The following PDE7B variants were observed in gnomAD, a reference collection of about 807,000 sequenced individuals.
PDE7B encodes 3',5'-cyclic-AMP phosphodiesterase 7B.
Under a neutral mutation model 56.2 loss-of-function variants are expected in PDE7B, and 29 were observed. The observed-to-expected ratio is 0.52, with a 90% CI of 0.38 to 0.70. PDE7B has a LOEUF of 0.70. Ranked by LOEUF, PDE7B falls within the 30% of genes least tolerant of loss-of-function variation. The pLI is 0.00. For synonymous variants in PDE7B, 197 were observed against 196.9 expected (o/e 1.00, Z 0.00); for missense variants, 490 against 565.0 (o/e 0.87, Z 1.35).
At chr6:135,917,985 A>G (rs374436875) in intron 1 of PDE7B, among the ~76,000 whole-genome samples, 7 of 152,146 alleles carry the variant, frequency 4.6e-5, no homozygotes, top group East Asian at 1.9e-4. Flanking sequence ...CAGCTCCCCA[A>G]TAGAGCTACA....
At chr6:135,938,822 G>C (rs1241430727) in intron 1 of PDE7B, among the ~76,000 whole-genome samples, 1 of 152,134 alleles carries the variant, frequency 6.6e-6, no homozygotes, top group Non-Finnish European at 1.5e-5. Context: ...CTACTGTCTA[G>C]GGATAAAATG....
intron 1 of PDE7B, among the ~76,000 whole-genome samples, chr6:135,932,420 A>T (rs1254974240): frequency 6.6e-6 from 1 of 152,084 alleles, no homozygotes; most frequent in Non-Finnish European, 1.5e-5. Flanking sequence ...TACACCCCAT[A>T]GATGTATACA....
chr6:136,036,282 A>G (rs567311495), intron 2 of PDE7B, among the ~76,000 whole-genome samples: 6 of 152,304 alleles, frequency 3.9e-5, no homozygotes, highest in African/African-American at 1.4e-4. Flanking sequence ...AATCAAGTAG[A>G]CCGCTGATTA....
chr6:135,931,693 A>G (rs1362122812), intron 1 of PDE7B, among the ~76,000 whole-genome samples: 1 of 152,198 alleles, frequency 6.6e-6, no homozygotes, highest in African/African-American at 2.4e-5. Context: ...ATTTTTCAAC[A>G]TGAAGAACAT....
chr6:136,148,145 T>G (rs1468894463), intron 4 of PDE7B, among the ~76,000 whole-genome samples: 1 of 152,074 alleles, frequency 6.6e-6, no homozygotes, highest in Non-Finnish European at 1.5e-5. Flanking sequence ...GAAGATAGAT[T>G]TTACAGCTTG....
chr6:135,867,194 A>G (rs1377794801), intron 1 of PDE7B, among the ~76,000 whole-genome samples: 5 of 152,184 alleles, frequency 3.3e-5, no homozygotes, highest in African/African-American at 1.2e-4. Context: ...AAACAGTTTT[A>G]AAACTGTGTT....
At chr6:135,866,172 C>T (rs1259194582) in intron 1 of PDE7B, among the ~76,000 whole-genome samples, 2 of 152,094 alleles carry the variant, frequency 1.3e-5, no homozygotes, top group African/African-American at 4.8e-5. Flanking sequence ...TCCTCTTCCT[C>T]TCACCACCAC....
chr6:136,080,734 A>C (rs773907144), intron 2 of PDE7B, among the ~76,000 whole-genome samples: 4 of 152,206 alleles, frequency 2.6e-5, no homozygotes, highest in Admixed American at 6.5e-5. Flanking sequence ...ACATTAATTG[A>C]GCAGCTGCTG....
chr6:135,958,518 A>G (rs1245600907), intron 2 of PDE7B, among the ~76,000 whole-genome samples: 1 of 146,620 alleles, frequency 6.8e-6, no homozygotes, highest in Non-Finnish European at 1.5e-5. Flanking sequence ...TGAGATCTCA[A>G]CCTGCCAATC....
intron 1 of PDE7B, among the ~76,000 whole-genome samples, chr6:135,915,615 T>C (rs982195856): frequency 6.6e-6 from 1 of 152,208 alleles, no homozygotes; most frequent in Non-Finnish European, 1.5e-5. Context: ...GGTTTAGTTT[T>C]GGCAAGTGCG....
At chr6:135,885,353 C>T (rs1483185083) in intron 1 of PDE7B, among the ~76,000 whole-genome samples, 1 of 150,922 alleles carries the variant, frequency 6.6e-6, no homozygotes, top group Non-Finnish European at 1.5e-5. Flanking sequence ...TATCTCACTG[C>T]CACTACCGTG....
At chr6:135,953,934 T>C (rs1199477399) in intron 2 of PDE7B, among the ~76,000 whole-genome samples, 1 of 152,214 alleles carries the variant, frequency 6.6e-6, no homozygotes, top group Non-Finnish European at 1.5e-5. Context: ...AAGCTCTTCA[T>C]TGCTGTCACT....
At chr6:135,935,184 ATTTATT>A (rs1367379909) in intron 1 of PDE7B, among the ~76,000 whole-genome samples, 1,155 of 54,070 alleles carry the variant, frequency 0.021, 273 homozygotes, top group African/African-American at 0.1. Context: ...ATATATATAT[ATTTATT>A]TATATATATA....
At chr6:136,145,412 C>T (rs1405890460) in intron 3 of PDE7B, among the ~76,000 whole-genome samples, 1 of 152,144 alleles carries the variant, frequency 6.6e-6, no homozygotes, top group African/African-American at 2.4e-5. Flanking sequence ...TCATCTGATA[C>T]ATTTTCCATC....
intron 11 of PDE7B, among the ~76,000 whole-genome samples, chr6:136,183,599 A>AC (rs1779102223): frequency 6.7e-6 from 1 of 149,758 alleles, no homozygotes; most frequent in Non-Finnish European, 1.5e-5. Flanking sequence ...CTGTCTCAAA[A>AC]AAAAAAAAAA....
intron 1 of PDE7B, among the ~76,000 whole-genome samples, chr6:135,940,269 G>A (rs6916391): frequency 0.72 from 109,085 of 152,058 alleles, 39,324 homozygotes; most frequent in East Asian, 0.85. Context: ...TCAGGCCTGC[G>A]GTCATGTCTT....
At chr6:135,997,627 C>T (rs911187788) in intron 2 of PDE7B, among the ~76,000 whole-genome samples, 1 of 151,860 alleles carries the variant, frequency 6.6e-6, no homozygotes, top group African/African-American at 2.4e-5. Flanking sequence ...TAACAATCTA[C>T]ATGCCTATGA....
intron 1 of PDE7B, among the ~76,000 whole-genome samples, chr6:135,896,359 C>T (rs1339247110): frequency 6.6e-6 from 1 of 152,122 alleles, no homozygotes; most frequent in Admixed American, 6.6e-5. Context: ...CCTAAGATAA[C>T]TACTCCAACC....
Position 136,047,028 on chromosome 6 carries a change from C to T in PDE7B, c.83-61703C>T, listed in dbSNP as rs142538696. Among the ~76,000 whole-genome samples, 29 of 152,230 alleles carry T rather than the reference C, an allele frequency of 1.9e-4. No individual in the cohort carries two copies. In the East Asian group the frequency reaches 4.1e-3, roughly 21 times the overall value. Reference sequence around the variant, plus strand: ...GTGCAAAACAAAAGAAAATGGCCCACGGACATACATCAAAAAACATTATCT... The same window carrying T: ...GTGCAAAACAAAAGAAAATGGCCCATGGACATACATCAAAAAACATTATCT... On this transcript the variant is annotated intron_variant, in intron 2 of 12. Transcript: ENST00000308191.
Sources: allele counts gnomAD v4.1 joint callset (sites outside exome capture counted in the v4.1 genomes callset), GRCh38; gene constraint gnomAD v4.1.1; transcripts MANE v1.5; gene names NCBI Gene and HGNC (gene_info 2026-07-23, HGNC 2026-07-21).